The following TMEM242 variants were observed in gnomAD, a reference collection of about 807,000 sequenced individuals.
The protein encoded by TMEM242 is transmembrane protein 242, also known as UPF0463 transmembrane protein C6orf35.
In TMEM242, 10 loss-of-function variants were observed where a neutral mutation model predicts 18.2. The ratio of observed to expected loss-of-function variants is 0.55; its 90% CI spans 0.34 to 0.93. The LOEUF is 0.93. TMEM242 is among the 40% of genes least tolerant of loss of function. TMEM242 has a pLI of 0.02. For missense variants in TMEM242, 186 were observed against 175.5 expected (o/e 1.06, Z -0.34); for synonymous variants, 57 against 69.9 (o/e 0.81, Z 0.92).
intron 3 of TMEM242, chr6:157,299,934 T>C (rs1777804191): frequency 6.2e-7 from 1 of 1,605,574 alleles, no homozygotes; most frequent in East Asian, 2.2e-5. Context: ...CCAGTTCCTA[T>C]GATGGAGACC....
In TMEM242 at chr6:157,307,437, T is replaced by C. The variant is rs966131302; in HGVS notation, c.327+11345A>G. Among the ~76,000 whole-genome samples the C allele has an allele frequency of 6.6e-5, 10 of 152,208 alleles. 1 individual carries two copies. The South Asian group carries it at 1.9e-3, about 28-fold the overall frequency. ...TTACTTATACAAGGAAACAGGTGGG[T>C]TTGAAAGAGCTATTTTGGAAATATG... On this transcript the variant is annotated intron_variant, in intron 3 of 3. Coordinates refer to ENST00000400788, the MANE Select transcript of TMEM242 (RefSeq NM_018452.6).
intron 3 of TMEM242, among the ~76,000 whole-genome samples, chr6:157,298,600 T>G (rs1366116447): frequency 1.3e-5 from 2 of 152,182 alleles, no homozygotes; most frequent in African/African-American, 4.8e-5. Flanking sequence ...GGTTTCAAGA[T>G]GGGTCCATTA....
chr6:157,319,007 AAAC>A (rs1394670340), intron 2 of TMEM242, 88 bp from the exon 3 acceptor site: 1 of 1,361,186 alleles, frequency 7.3e-7, no homozygotes, highest in Admixed American at 2.9e-5. Context: ...CTCTCTGTGC[AAAC>A]AACATGATAT....
chr6:157,314,172 G>A (rs149794013), intron 3 of TMEM242, among the ~76,000 whole-genome samples: 245 of 1,288 alleles, frequency 0.19, no homozygotes, highest in Non-Finnish European at 0.27. Context: ...GCGCTCACCC[G>A]GCCTCATCAT....
At chr6:157,316,562 G>C (rs1227499337) in intron 3 of TMEM242, among the ~76,000 whole-genome samples, 1 of 152,076 alleles carries the variant, frequency 6.6e-6, no homozygotes, top group Non-Finnish European at 1.5e-5. Flanking sequence ...ACAATGATTA[G>C]CCAGCAAAGT....
intron 3 of TMEM242, among the ~76,000 whole-genome samples, chr6:157,312,865 T>A (rs199961763): frequency 9.5e-5 from 1 of 10,534 alleles, no homozygotes; most frequent in Admixed American, 9.4e-4. Flanking sequence ...CATCATAGTG[T>A]CCCAGTGTGC....
chr6:157,312,767 A>G (rs1440292657), intron 3 of TMEM242, among the ~76,000 whole-genome samples: 5 of 142,322 alleles, frequency 3.5e-5, no homozygotes, highest in Admixed American at 3.5e-4. Context: ...TTACTGTCAC[A>G]GTGTGCGCTC....
chr6:157,307,299 T>C (rs1583560229), intron 3 of TMEM242, among the ~76,000 whole-genome samples: 1 of 152,060 alleles, frequency 6.6e-6, no homozygotes, highest in Non-Finnish European at 1.5e-5. Context: ...ATTATCGAGG[T>C]GATGAAGTCT....
chr6:157,296,333 G>T (rs1554247179), intron 3 of TMEM242, among the ~76,000 whole-genome samples: 2 of 152,134 alleles, frequency 1.3e-5, no homozygotes, highest in African/African-American at 4.8e-5. Flanking sequence ...GGATAACAGG[G>T]TTACCCTTCC....
chr6:157,306,598 G>A (rs369469007), intron 3 of TMEM242, among the ~76,000 whole-genome samples: 2 of 152,300 alleles, frequency 1.3e-5, no homozygotes, highest in South Asian at 2.1e-4. Context: ...CTGGGCCCAT[G>A]AGCCTAGAGC....
At chr6:157,300,271 G>C in intron 3 of TMEM242, 1 of 332,178 alleles carries the variant, frequency 3.0e-6, no homozygotes, top group Non-Finnish European at 5.7e-6. Context: ...CTGCGGCTGC[G>C]CGGGCCTTGC....
chr6:157,314,290 CG>C (rs1778338725), intron 3 of TMEM242, among the ~76,000 whole-genome samples: 2 of 147,026 alleles, frequency 1.4e-5, no homozygotes, highest in Non-Finnish European at 1.5e-5. Flanking sequence ...ATCATAGTGT[CG>C]CAGTGTGCAC....
At chr6:157,293,355 A>AAAAC (rs111648623) in intron 3 of TMEM242, among the ~76,000 whole-genome samples, 57,212 of 148,242 alleles carry the variant, frequency 0.39, 12,100 homozygotes, top group East Asian at 0.77. Flanking sequence ...TATCTCTTTA[A>AAAAC]AAACAAACAA....
chr6:157,305,688 G>A lies in TMEM242; in HGVS notation c.328-12689C>T, dbSNP rs782819253. Among the ~76,000 whole-genome samples the A allele has an allele frequency of 1.3e-5, 2 of 152,192 alleles. No individual in the cohort carries two copies. The highest frequency in any genetic ancestry group is 2.9e-5 in the Non-Finnish European group (2 of 68,040). ...CTGGCCAGGGGAGGGGTTGGCACAAGAGACAGGCAAAATGTCCAGTGAGGT... is the reference window on the plus strand; with the variant it reads ...CTGGCCAGGGGAGGGGTTGGCACAAAAGACAGGCAAAATGTCCAGTGAGGT... On this transcript the variant is annotated intron_variant, in intron 3 of 3. Coordinates refer to ENST00000400788, the MANE Select transcript of TMEM242 (RefSeq NM_018452.6). This position sits in a 1 kb window ranked among gnomAD's most constrained non-coding sequence, Gnocchi z 4.1.
At chr6:157,299,181 C>T in intron 3 of TMEM242, 1 of 600,258 alleles carries the variant, frequency 1.7e-6, no homozygotes, top group Admixed American at 2.0e-5. Flanking sequence ...ACAGAGACCC[C>T]TAATGATGGT....
intron 3 of TMEM242, among the ~76,000 whole-genome samples, chr6:157,313,119 C>T (rs201259144): frequency 0.24 from 15,352 of 63,292 alleles, 602 homozygotes; most frequent in East Asian, 0.5. Flanking sequence ...TGTGTGCTCA[C>T]CCGGCCTCAT....
At chr6:157,303,200 C>T (rs915253783) in intron 3 of TMEM242, among the ~76,000 whole-genome samples, 6 of 152,102 alleles carry the variant, frequency 3.9e-5, no homozygotes, top group African/African-American at 9.7e-5. Context: ...GCTGGGCCCA[C>T]GAATAGGGAT....
intron 3 of TMEM242, chr6:157,299,478 GC>G (rs1348295963): frequency 7.8e-6 from 11 of 1,407,400 alleles, no homozygotes; most frequent in African/African-American, 1.4e-5. Flanking sequence ...TGGATACCAA[GC>G]TTTTGTCCAA....
chr6:157,297,190 C>T (rs1323423618), intron 3 of TMEM242, among the ~76,000 whole-genome samples: 2 of 152,148 alleles, frequency 1.3e-5, no homozygotes, highest in East Asian at 1.9e-4. Flanking sequence ...CTCAGAGAAA[C>T]GAAACAATGT....
Sources: gnomAD v4.1 joint callset for allele counts (sites outside exome capture counted in the v4.1 genomes callset) on GRCh38, gnomAD v4.1.1 for gene constraint, Gnocchi (gnomAD v3.1) non-coding constraint, MANE v1.5 for transcripts, NCBI Gene and HGNC (gene_info 2026-07-23, HGNC 2026-07-21) for gene names.